Variants in RPS6KA5 observed in about 807,000 individuals in gnomAD.
RPS6KA5 encodes the protein ribosomal protein S6 kinase alpha-5.
RPS6KA5 carries 27 observed loss-of-function variants against 85.5 expected under a neutral mutation model. That is an observed-to-expected ratio of 0.32 (90% CI 0.23 to 0.44). The LOEUF (loss-of-function observed/expected upper bound fraction) is 0.44, where lower values mean the gene tolerates loss of function less well. RPS6KA5 is among the 20% of genes least tolerant of loss of function. The probability of loss-of-function intolerance (pLI) is 1.00; values close to 1 mark genes in which losing one functional copy is unlikely to be tolerated. For missense variants in RPS6KA5, 811 were observed against 980.9 expected, an observed-to-expected ratio of 0.83 and a Z score of 2.31; for synonymous variants, 334 against 348.2, an observed-to-expected ratio of 0.96 and a Z score of 0.46.
chr14:91,016,563 T>G (rs948885561), intron 1 of RPS6KA5, among the ~76,000 whole-genome samples: 1 of 152,136 alleles, frequency 6.6e-6, no homozygotes, highest in Non-Finnish European at 1.5e-5. Context: ...TAGTTATGTG[T>G]GTGTTGTGTG....
In RPS6KA5 at chr14:91,050,776, A is replaced by T. The variant is rs561961123; in HGVS notation, c.103+9556T>A. ...TTGTTTAAAAAAATAAAAATAAAAA[A>T]AAAGCAAGTATCTTATTGGAACTAA... is the stretch of plus-strand genomic sequence containing the variant. On this transcript the variant is annotated intron_variant, in intron 1 of 16. Transcript: ENST00000614987. Among the ~76,000 whole-genome samples, 11 of 152,336 alleles carry T rather than the reference A, an allele frequency of 7.2e-5. No homozygotes were observed. The East Asian group carries it at 9.6e-4, about 13-fold the overall frequency.
At chr14:91,049,969 T>A (rs1313101109) in intron 1 of RPS6KA5, among the ~76,000 whole-genome samples, 1 of 152,246 alleles carries the variant, frequency 6.6e-6, no homozygotes, top group Non-Finnish European at 1.5e-5. Context: ...GACCACAATC[T>A]ACATGCAGTC....
At chr14:90,885,552 CAAAAAAAA>C (rs780292114) in intron 14 of RPS6KA5, among the ~76,000 whole-genome samples, 23 of 19,852 alleles carry the variant, frequency 1.2e-3, no homozygotes, top group African/African-American at 1.7e-3. Context: ...GACTCCGTCT[CAAAAAAAA>C]AAAAAAAAAA....
Position 91,019,041 on chromosome 14 carries a change from G to A in RPS6KA5, c.104-17882C>T, listed in dbSNP as rs138749743. Among the ~76,000 whole-genome samples, 509 of 152,102 alleles carry A rather than the reference G, an allele frequency of 3.3e-3. 4 individuals carry two copies. The highest frequency in any genetic ancestry group is 0.011 in the African/African-American group (469 of 41,484). On this transcript the variant is annotated intron_variant, in intron 1 of 16. Coordinates refer to ENST00000614987, the MANE Select transcript of RPS6KA5 (RefSeq NM_004755.4). ...TTTTGCACCCTCTTCTAGGGAAAAG[G>A]TCAGTGCATTTTTGTACACAGGATA... is the stretch of plus-strand genomic sequence containing the variant.
At chr14:90,964,038 C>T (rs2038938191) in intron 3 of RPS6KA5, among the ~76,000 whole-genome samples, 2 of 152,002 alleles carry the variant, frequency 1.3e-5, no homozygotes, top group South Asian at 2.1e-4. Flanking sequence ...AGTGGAGTGA[C>T]CCAATCATGG....
intron 2 of RPS6KA5, among the ~76,000 whole-genome samples, chr14:90,981,884 A>G (rs533543791): frequency 4.6e-5 from 7 of 152,358 alleles, no homozygotes; most frequent in Admixed American, 4.6e-4. Flanking sequence ...AGTTGCCTCC[A>G]AACAGTTTTG....
intron 3 of RPS6KA5, among the ~76,000 whole-genome samples, chr14:90,956,168 G>GT (rs199645544): frequency 4.7e-4 from 71 of 151,582 alleles, no homozygotes; most frequent in Admixed American, 2.8e-3. Flanking sequence ...AACATCTGAA[G>GT]TTTTTTTTTA....
At chr14:91,020,479 T>C (rs1302784323) in intron 1 of RPS6KA5, among the ~76,000 whole-genome samples, 1 of 151,612 alleles carries the variant, frequency 6.6e-6, no homozygotes, top group East Asian at 1.9e-4. Context: ...CATCCACAGA[T>C]TTTGGTATCT....
At chr14:90,892,535 G>A (rs1006279956) in intron 13 of RPS6KA5, among the ~76,000 whole-genome samples, 2 of 152,284 alleles carry the variant, frequency 1.3e-5, no homozygotes, top group Admixed American at 6.5e-5. Context: ...CTCAAGTTCT[G>A]CCTGAAACAA....
Position 90,890,503 on chromosome 14 carries a change from C to A in RPS6KA5, c.1820G>T (p.Ser607Ile), listed in dbSNP as rs763687878. The change falls in exon 14 of 17, where the codon AGC (serine) becomes ATC (isoleucine). Residue 607 changes from serine (S) to isoleucine (I), a missense_variant. Ser to Ile is a moderately radical substitution (Grantham distance 142). This residue lies in a region of RPS6KA5 where 650 missense variants were observed against 793.4 expected (regional missense o/e 0.82). Transcript: ENST00000614987. ...AGAACTCACCAAAATGACGCCCAAG[C>A]TCCACAGGTCACAGGACTCATCGTA... is the stretch of plus-strand genomic sequence containing the variant. Reference protein sequence around the residue: ...NGYDESCDLWSLGVILYTMLS... With the variant: ...NGYDESCDLWILGVILYTMLS... 2 of 1,606,358 alleles carry A rather than the reference C, an allele frequency of 1.2e-6. No individual in the cohort carries two copies. The highest frequency in any genetic ancestry group is 1.7e-6 in the Non-Finnish European group (2 of 1,176,868).
At chr14:90,929,397 T>G (rs1356461120) in intron 5 of RPS6KA5, among the ~76,000 whole-genome samples, 1 of 152,134 alleles carries the variant, frequency 6.6e-6, no homozygotes, top group East Asian at 1.9e-4. Flanking sequence ...TCCAAGTCAA[T>G]CTATAAATTT....
At chr14:91,014,338 T>C (rs1474121901) in intron 1 of RPS6KA5, among the ~76,000 whole-genome samples, 2 of 151,858 alleles carry the variant, frequency 1.3e-5, no homozygotes, top group Non-Finnish European at 2.9e-5. Flanking sequence ...CTGGTCTCTA[T>C]TTAAAATACA....
chr14:90,984,221 C>T (rs1179376445), intron 2 of RPS6KA5, among the ~76,000 whole-genome samples: 1 of 152,196 alleles, frequency 6.6e-6, no homozygotes, highest in Non-Finnish European at 1.5e-5. Flanking sequence ...AGAGGTTCTA[C>T]TTTTTGAGAC....
intron 15 of RPS6KA5, among the ~76,000 whole-genome samples, chr14:90,874,927 G>C (rs538573666): frequency 4.9e-4 from 74 of 152,142 alleles, no homozygotes; most frequent in Admixed American, 1.8e-3. Flanking sequence ...AGCGTGTTTG[G>C]GGGGAAGGAC....
At chr14:90,953,426 A>T (rs544454988) in intron 3 of RPS6KA5, among the ~76,000 whole-genome samples, 1 of 152,338 alleles carries the variant, frequency 6.6e-6, no homozygotes, top group South Asian at 2.1e-4. Context: ...GTACAAATTG[A>T]TTGTAAAACG....
At chr14:91,011,466 C>G (rs953531565) in intron 1 of RPS6KA5, among the ~76,000 whole-genome samples, 6 of 151,924 alleles carry the variant, frequency 3.9e-5, no homozygotes, top group Non-Finnish European at 8.8e-5. Flanking sequence ...AGCTTGAAGA[C>G]AGAGTAAAAC....
chr14:90,894,532 G>A lies in RPS6KA5; in HGVS notation c.1525C>T (p.Arg509Cys), dbSNP rs754963730. ...ELLNGGELFERIKKKKHFSET... is the reference protein window; with the variant it reads ...ELLNGGELFECIKKKKHFSET... ...CTGAAGTGCTTCTTTTTCTTAATGCGCTCAAACAGTTCTCCTCCATTCAGA... is the reference window on the plus strand; with the variant it reads ...CTGAAGTGCTTCTTTTTCTTAATGCACTCAAACAGTTCTCCTCCATTCAGA... Residue 509 changes from arginine to cysteine, a missense_variant, in exon 13 of 17, where the codon CGC (arginine) becomes TGC (cysteine). Transcript: ENST00000614987. 6.2e-6 allele frequency: 10 copies of A among 1,613,882 alleles called. No individual in the cohort carries two copies. The highest frequency in any genetic ancestry group is 5.5e-5 in the South Asian group (5 of 91,078).
intron 5 of RPS6KA5, among the ~76,000 whole-genome samples, chr14:90,940,357 C>T (rs1319321965): frequency 2.0e-5 from 3 of 152,150 alleles, no homozygotes; most frequent in African/African-American, 7.2e-5. Flanking sequence ...TGGTATTTGA[C>T]TGGATCTCCA....
At chr14:90,955,437 G>C (rs1284942822) in intron 3 of RPS6KA5, among the ~76,000 whole-genome samples, 1 of 151,956 alleles carries the variant, frequency 6.6e-6, no homozygotes, top group African/African-American at 2.4e-5. Flanking sequence ...TTTTTTTGTG[G>C]AGACGGGGTC....
Sources: gnomAD v4.1 joint callset for allele counts (sites outside exome capture counted in the v4.1 genomes callset) on GRCh38, gnomAD v4.1.1 for gene constraint, gnomAD v4.1.1 regional missense constraint, MANE v1.5 for transcripts, NCBI Gene and HGNC (gene_info 2026-07-23, HGNC 2026-07-21) for gene names.